The following ENOX1 variants were observed in gnomAD, a reference collection of about 807,000 sequenced individuals.
ENOX1 encodes ecto-NOX disulfide-thiol exchanger 1.
A neutral mutation model predicts 82.5 loss-of-function variants in ENOX1; 42 were observed. The ratio of observed to expected loss-of-function variants is 0.51; its 90% CI spans 0.40 to 0.66. The LOEUF is 0.66. Ranked by LOEUF, ENOX1 falls within the 30% of genes least tolerant of loss-of-function variation. The probability of loss-of-function intolerance (pLI) is 0.00; values close to 1 mark genes in which losing one functional copy is unlikely to be tolerated. For synonymous variants in ENOX1, 271 were observed against 282.2 expected, an observed-to-expected ratio of 0.96 and a Z score of 0.40; for missense variants, 608 against 811.6, an observed-to-expected ratio of 0.75 and a Z score of 3.05.
intron 11 of ENOX1, among the ~76,000 whole-genome samples, chr13:43,312,242 T>C (rs923980360): frequency 6.6e-6 from 1 of 152,160 alleles, no homozygotes; most frequent in African/African-American, 2.4e-5. Flanking sequence ...CTCAAGAAGA[T>C]TGATATTACT....
chr13:43,236,493 ATG>A, intron 15 of ENOX1, 141 bp downstream of exon 15: 1 of 522,148 alleles, frequency 1.9e-6, no homozygotes, highest in East Asian at 3.6e-5. Flanking sequence ...TTTGAAATGT[ATG>A]TAATATAATC....
At chr13:43,483,012 A>T (rs1032237322) in intron 3 of ENOX1, among the ~76,000 whole-genome samples, 28 of 152,194 alleles carry the variant, frequency 1.8e-4, no homozygotes, top group Admixed American at 1.8e-3. Context: ...GCCCAGCACT[A>T]CAGTAACATC....
chr13:43,773,160 C>A (rs1254894297), intron 1 of ENOX1, among the ~76,000 whole-genome samples: 2 of 152,200 alleles, frequency 1.3e-5, no homozygotes, highest in East Asian at 3.8e-4. Flanking sequence ...AATCTCTCCT[C>A]CAGAAACCTG....
At chr13:43,667,989 T>C (rs1270032788) in intron 1 of ENOX1, among the ~76,000 whole-genome samples, 1 of 152,206 alleles carries the variant, frequency 6.6e-6, no homozygotes, top group Admixed American at 6.5e-5. Context: ...TTTTTAAGTA[T>C]GAGAAATTCT....
At chr13:43,636,068 T>A (rs1481230005) in intron 2 of ENOX1, among the ~76,000 whole-genome samples, 1 of 151,986 alleles carries the variant, frequency 6.6e-6, no homozygotes, top group East Asian at 1.9e-4. Context: ...ACCAAATAAC[T>A]AAGAGAGTTC....
chr13:43,625,461 AT>A (rs1367256836), intron 2 of ENOX1, among the ~76,000 whole-genome samples: 1 of 151,950 alleles, frequency 6.6e-6, no homozygotes, highest in Non-Finnish European at 1.5e-5. Flanking sequence ...CTAAAATGTT[AT>A]TTCTAGGATT....
intron 1 of ENOX1, among the ~76,000 whole-genome samples, chr13:43,705,423 G>A (rs1171114249): frequency 6.8e-6 from 1 of 147,624 alleles, no homozygotes; most frequent in Non-Finnish European, 1.5e-5. Context: ...ACAAATACAT[G>A]CTCTATTAAA....
intron 1 of ENOX1, among the ~76,000 whole-genome samples, chr13:43,711,255 T>C (rs1240939688): frequency 6.6e-6 from 1 of 152,092 alleles, no homozygotes; most frequent in African/African-American, 2.4e-5. Flanking sequence ...GAACTCATCA[T>C]TTTTTATGGC....
At chr13:43,379,037 G>A (rs1004344367) in intron 5 of ENOX1, among the ~76,000 whole-genome samples, 1 of 152,030 alleles carries the variant, frequency 6.6e-6, no homozygotes, top group Non-Finnish European at 1.5e-5. Context: ...TTTGAAGATG[G>A]AAGACAGCAA....
chr13:43,381,141 T>C (rs1185601724), intron 5 of ENOX1, among the ~76,000 whole-genome samples: 3 of 151,774 alleles, frequency 2.0e-5, no homozygotes, highest in Non-Finnish European at 4.4e-5. Context: ...TTATCAAGAT[T>C]GGCCATATTC....
intron 2 of ENOX1, among the ~76,000 whole-genome samples, chr13:43,634,969 A>G (rs1249936434): frequency 6.6e-6 from 1 of 152,204 alleles, no homozygotes; most frequent in Non-Finnish European, 1.5e-5. Context: ...TCTCCAGGGT[A>G]TTAATTCCCC....
intron 3 of ENOX1, among the ~76,000 whole-genome samples, chr13:43,435,257 G>A (rs1172263401): frequency 6.6e-6 from 1 of 152,098 alleles, no homozygotes; most frequent in Non-Finnish European, 1.5e-5. Context: ...AGCACTCCAC[G>A]CTGGGAGCTA....
chr13:43,609,480 A>G (rs2082110988), intron 2 of ENOX1, among the ~76,000 whole-genome samples: 2 of 152,234 alleles, frequency 1.3e-5, no homozygotes, highest in South Asian at 4.1e-4. Flanking sequence ...GTGAATATAC[A>G]GTTTGAGCTT....
At chr13:43,396,121 T>C (rs2053131134) in intron 5 of ENOX1, among the ~76,000 whole-genome samples, 1 of 152,226 alleles carries the variant, frequency 6.6e-6, no homozygotes, top group African/African-American at 2.4e-5. Context: ...TAAATTACTA[T>C]TCATTTTCGT....
At chr13:43,598,517 G>C (rs564457057) in intron 2 of ENOX1, among the ~76,000 whole-genome samples, 1 of 152,250 alleles carries the variant, frequency 6.6e-6, no homozygotes, top group East Asian at 1.9e-4. Context: ...TACTCCATCT[G>C]TTCCTAACGG....
chr13:43,473,875 T>A (rs2058172314), intron 3 of ENOX1, among the ~76,000 whole-genome samples: 1 of 152,138 alleles, frequency 6.6e-6, no homozygotes, highest in African/African-American at 2.4e-5. Flanking sequence ...ATTATTCTTC[T>A]CCTTGAGTAA....
chr13:43,230,685 C>T (rs902365817), intron 15 of ENOX1, among the ~76,000 whole-genome samples: 4 of 152,088 alleles, frequency 2.6e-5, no homozygotes, highest in African/African-American at 9.7e-5. Context: ...GATGAAATGC[C>T]TCAATCCACA....
At chr13:43,298,031 T>C (rs2046369983) in intron 12 of ENOX1, among the ~76,000 whole-genome samples, 1 of 152,256 alleles carries the variant, frequency 6.6e-6, no homozygotes, top group Non-Finnish European at 1.5e-5. Flanking sequence ...AAAATGCTTG[T>C]ATCATGCAGG....
At chr13:43,402,266 G>A (rs529907077) in intron 5 of ENOX1, among the ~76,000 whole-genome samples, 8 of 152,120 alleles carry the variant, frequency 5.3e-5, no homozygotes, top group Non-Finnish European at 8.8e-5. Context: ...ATAAATCATG[G>A]ATGTCAAATA....
Sources: allele counts gnomAD v4.1 joint callset (sites outside exome capture counted in the v4.1 genomes callset), GRCh38; gene constraint gnomAD v4.1.1; transcripts MANE v1.5; gene names NCBI Gene and HGNC (gene_info 2026-07-23, HGNC 2026-07-21).